Variants in MAGI2 observed in about 807,000 individuals in gnomAD.
The protein encoded by MAGI2 is membrane-associated guanylate kinase, WW and PDZ domain-containing protein 2.
In MAGI2, 35 loss-of-function variants were observed where a neutral mutation model predicts 133.3. The observed-to-expected ratio is 0.26, with a 90% CI of 0.20 to 0.35. The LOEUF is 0.35. MAGI2 is among the 10% of genes least tolerant of loss of function. The pLI, the probability that MAGI2 is intolerant of heterozygous loss-of-function variation, is 1.00. For synonymous variants in MAGI2, 729 were observed against 710.6 expected, an observed-to-expected ratio of 1.03 and a Z score of -0.41; for missense variants, 1,636 against 1,863.4, an observed-to-expected ratio of 0.88 and a Z score of 2.25.
intron 10 of MAGI2, among the ~76,000 whole-genome samples, chr7:78,238,154 T>G (rs554333384): frequency 6.6e-6 from 1 of 152,282 alleles, no homozygotes; most frequent in East Asian, 1.9e-4. Flanking sequence ...CATTTAAAAT[T>G]GGAGGTTCCT....
intron 6 of MAGI2, among the ~76,000 whole-genome samples, chr7:78,385,625 T>C (rs773157578): frequency 6.6e-6 from 1 of 152,172 alleles, no homozygotes; most frequent in African/African-American, 2.4e-5. Context: ...GTTTCTCAGA[T>C]GTTCTTTACC....
intron 1 of MAGI2, among the ~76,000 whole-genome samples, chr7:79,206,801 G>GA (rs1428972972): frequency 6.6e-6 from 1 of 151,428 alleles, no homozygotes; most frequent in Admixed American, 6.6e-5. Context: ...AATATAGATG[G>GA]AAAAATCCTC....
chr7:79,044,201 A>C (rs984823346), intron 1 of MAGI2, among the ~76,000 whole-genome samples: 6 of 152,222 alleles, frequency 3.9e-5, no homozygotes, highest in Non-Finnish European at 7.3e-5. Flanking sequence ...AGCATCCCAA[A>C]TACAGCAGCA....
rs75451935 is a variant in MAGI2, at chr7:78,806,156, A to G, written c.419-178917T>C. Among the ~76,000 whole-genome samples, 1,291 of 152,276 alleles carry G rather than the reference A, an allele frequency of 8.5e-3. 16 individuals carry two copies. The highest frequency in any genetic ancestry group is 0.03 in the African/African-American group (1,245 of 41,554). On this transcript the variant is annotated intron_variant, in intron 2 of 21. Coordinates refer to ENST00000354212, the MANE Select transcript of MAGI2 (RefSeq NM_012301.4). ...AAGCAGTATAAGTGATACTGCTTAT[A>G]GAGGAAGAGCTTTGAGTCTTAATGC...
chr7:78,224,824 C>G (rs754624365), intron 10 of MAGI2, among the ~76,000 whole-genome samples: 1 of 151,990 alleles, frequency 6.6e-6, no homozygotes, highest in African/African-American at 2.4e-5. Context: ...AAAAGCCTCA[C>G]GGTGAATGGC....
At chr7:78,687,870 G>A (rs574278368) in intron 2 of MAGI2, among the ~76,000 whole-genome samples, 37 of 149,470 alleles carry the variant, frequency 2.5e-4, no homozygotes, top group African/African-American at 8.1e-4. Context: ...CTCGGGAGGC[G>A]AAGGCAGGAG....
intron 9 of MAGI2, among the ~76,000 whole-genome samples, chr7:78,294,611 G>A (rs1368030738): frequency 6.6e-6 from 1 of 152,152 alleles, no homozygotes; most frequent in Non-Finnish European, 1.5e-5. Flanking sequence ...AGCAAATAGA[G>A]TCTCTCTTCT....
chr7:79,145,601 T>C (rs1342606656), intron 1 of MAGI2, among the ~76,000 whole-genome samples: 1 of 152,216 alleles, frequency 6.6e-6, no homozygotes, highest in Non-Finnish European at 1.5e-5. Context: ...ATAAAATACA[T>C]ACTAGTTGCA....
At chr7:79,188,289 C>T (rs887574912) in intron 1 of MAGI2, among the ~76,000 whole-genome samples, 3 of 151,642 alleles carry the variant, frequency 2.0e-5, no homozygotes, top group South Asian at 2.1e-4. Flanking sequence ...CCCCGCCTCC[C>T]CCAACAGACC....
At chr7:79,424,179 T>C (rs1019151177) in intron 1 of MAGI2, among the ~76,000 whole-genome samples, 5 of 152,118 alleles carry the variant, frequency 3.3e-5, no homozygotes, top group Non-Finnish European at 5.9e-5. Context: ...GACTTTCATA[T>C]GCTAAACAAG....
Position 78,019,863 on chromosome 7 carries a change from A to G in MAGI2, c.3820T>C (p.Ser1274Pro). Residue 1274 changes from serine (S) to proline (P), a missense_variant, in exon 22 of 22, where the codon TCC becomes CCC. Physicochemically the swap from Ser to Pro is moderately conservative, Grantham distance 74. Coordinates refer to ENST00000354212, the MANE Select transcript of MAGI2 (RefSeq NM_012301.4). Reference protein sequence around the residue: ...PFSPSHPAPPSDPSHQISPGP... With the variant: ...PFSPSHPAPPPDPSHQISPGP... ...GGGCTTATCTGGTGGGAAGGGTCGG[A>G]GGGTGGGGCTGGATGTGATGGAGAG... The G allele has an allele frequency of 6.2e-7, 1 of 1,613,146 alleles. No homozygotes were observed. Among genetic ancestry groups the G allele is most frequent in the Non-Finnish European group, 8.5e-7 (1 of 1,179,790 alleles).
At chr7:78,982,083 C>T (rs1206390210) in intron 2 of MAGI2, among the ~76,000 whole-genome samples, 2 of 151,140 alleles carry the variant, frequency 1.3e-5, no homozygotes, top group African/African-American at 2.5e-5. Context: ...CATCTTCTGG[C>T]GACGGGGCTT....
chr7:78,365,328 C>T (rs1276132279), intron 7 of MAGI2, among the ~76,000 whole-genome samples: 2 of 152,096 alleles, frequency 1.3e-5, no homozygotes, highest in Admixed American at 6.5e-5. Context: ...TGAGGAATCC[C>T]TCATTCTTCT....
intron 20 of MAGI2, among the ~76,000 whole-genome samples, chr7:78,097,261 C>G (rs1295428384): frequency 6.6e-6 from 1 of 152,108 alleles, no homozygotes; most frequent in African/African-American, 2.4e-5. Context: ...ATGGCGATTC[C>G]TCAAAGAACT....
At chr7:79,173,791 A>G (rs1825837696) in intron 1 of MAGI2, among the ~76,000 whole-genome samples, 1 of 152,140 alleles carries the variant, frequency 6.6e-6, no homozygotes, top group Admixed American at 6.6e-5. Context: ...AAGTCATTAA[A>G]ACATTATAAT....
intron 6 of MAGI2, among the ~76,000 whole-genome samples, chr7:78,424,900 G>A (rs373125723): frequency 3.3e-5 from 5 of 152,196 alleles, no homozygotes; most frequent in South Asian, 2.1e-4. Flanking sequence ...TAGACAGAAG[G>A]GACTTGTCTT....
At chr7:78,158,287 C>T (rs530128871) in intron 16 of MAGI2, 2 of 152,172 alleles carry the variant, frequency 1.3e-5, no homozygotes, top group African/African-American at 4.8e-5. Context: ...ATGAAAAATG[C>T]ACAAATTTTC....
chr7:78,507,817 C>A (rs1795217627), intron 4 of MAGI2, among the ~76,000 whole-genome samples: 1 of 152,172 alleles, frequency 6.6e-6, no homozygotes, highest in African/African-American at 2.4e-5. Flanking sequence ...AACCATCAGG[C>A]ACTAAGCTAG....
intron 1 of MAGI2, among the ~76,000 whole-genome samples, chr7:79,420,429 T>C (rs775656796): frequency 6.6e-6 from 1 of 152,042 alleles, no homozygotes; most frequent in Non-Finnish European, 1.5e-5. Flanking sequence ...GCAGGAGTTC[T>C]GCTTGCCTTC....
Sources: gnomAD v4.1 joint callset for allele counts (sites outside exome capture counted in the v4.1 genomes callset) on GRCh38, gnomAD v4.1.1 for gene constraint, MANE v1.5 for transcripts, NCBI Gene and HGNC (gene_info 2026-07-23, HGNC 2026-07-21) for gene names.